Variants in LHFPL3 observed in about 807,000 individuals in gnomAD.
The protein encoded by LHFPL3 is LHFPL tetraspan subfamily member 3, also known as LHFPL tetraspan subfamily member 3 protein.
In LHFPL3, 5 loss-of-function variants were observed where a neutral mutation model predicts 19.3. The ratio of observed to expected loss-of-function variants is 0.26; its 90% CI spans 0.14 to 0.54. The LOEUF is 0.54. Ranked by LOEUF, LHFPL3 falls within the 20% of genes least tolerant of loss-of-function variation. The pLI is 0.94. For synonymous variants in LHFPL3, 133 were observed against 126.2 expected, an observed-to-expected ratio of 1.05 and a Z score of -0.36; for missense variants, 249 against 307.4, an observed-to-expected ratio of 0.81 and a Z score of 1.42.
intron 2 of LHFPL3, among the ~76,000 whole-genome samples, chr7:104,892,959 G>A (rs1016538422): frequency 2.8e-4 from 43 of 151,972 alleles, no homozygotes; most frequent in African/African-American, 9.2e-4. Context: ...GCTCATGCTT[G>A]TAATCCCACG....
chr7:104,430,422 A>G (rs1169041410), intron 1 of LHFPL3, among the ~76,000 whole-genome samples: 258 of 10,490 alleles, frequency 0.025, 2 homozygotes, highest in South Asian at 0.03. Context: ...ATATATACAT[A>G]TATATATATA....
At chr7:104,593,327 G>C (rs1251764863) in intron 1 of LHFPL3, among the ~76,000 whole-genome samples, 1 of 152,170 alleles carries the variant, frequency 6.6e-6, no homozygotes, top group African/African-American at 2.4e-5. Context: ...AGGTTGTTCA[G>C]TTTCGATGTA....
At position 104,561,366 on chromosome 7, in the gene LHFPL3, C is replaced by T. The variant is rs570080682; in HGVS notation, c.446-175309C>T. ...ACTTGCTTTATGAATCTTGGTGCTC[C>T]TGTATTGGGTGCATATATATTTAGG... On this transcript the variant is annotated intron_variant, in intron 1 of 2. Transcript: ENST00000424859. Among the ~76,000 whole-genome samples the T allele has an allele frequency of 4.0e-5, 6 of 150,148 alleles. No individual in the cohort carries two copies. In the South Asian group the frequency reaches 1.0e-3, roughly 26 times the overall value.
chr7:104,691,929 G>C (rs1792912978), intron 1 of LHFPL3, among the ~76,000 whole-genome samples: 1 of 152,224 alleles, frequency 6.6e-6, no homozygotes, highest in South Asian at 2.1e-4. Context: ...TGCTGATAGT[G>C]ATACAGACAA....
chr7:104,898,874 C>T (rs1425363371), intron 2 of LHFPL3, among the ~76,000 whole-genome samples: 2 of 151,954 alleles, frequency 1.3e-5, no homozygotes, highest in East Asian at 1.9e-4. Context: ...CTCAGCACTT[C>T]GGGAGGCTGA....
intron 2 of LHFPL3, among the ~76,000 whole-genome samples, chr7:104,803,774 G>A (rs966130875): frequency 1.4e-4 from 22 of 152,198 alleles, no homozygotes; most frequent in African/African-American, 5.1e-4. Flanking sequence ...TATATTTGCT[G>A]ATGAATGAAC....
intron 1 of LHFPL3, among the ~76,000 whole-genome samples, chr7:104,706,836 A>C (rs1793199247): frequency 6.6e-6 from 1 of 152,176 alleles, no homozygotes. Context: ...TGATGTTAAT[A>C]TTATCCCAGA....
intron 1 of LHFPL3, among the ~76,000 whole-genome samples, chr7:104,393,271 A>G (rs1321708349): frequency 1.3e-5 from 2 of 152,228 alleles, no homozygotes; most frequent in Non-Finnish European, 2.9e-5. Context: ...TTCTCCAACA[A>G]TGAAACATAA....
intron 1 of LHFPL3, among the ~76,000 whole-genome samples, chr7:104,713,346 T>G (rs181417473): frequency 6.6e-6 from 1 of 152,338 alleles, no homozygotes; most frequent in Admixed American, 6.5e-5. Context: ...TGAGGCTGGG[T>G]AATTTATAAA....
intron 1 of LHFPL3, among the ~76,000 whole-genome samples, chr7:104,594,510 G>A (rs1432285577): frequency 2.0e-5 from 3 of 152,104 alleles, no homozygotes; most frequent in Non-Finnish European, 1.5e-5. Context: ...TGACAATGAT[G>A]TGTCTTGAGG....
chr7:104,531,852 T>G (rs543394130), intron 1 of LHFPL3, among the ~76,000 whole-genome samples: 1 of 152,268 alleles, frequency 6.6e-6, no homozygotes, highest in East Asian at 1.9e-4. Flanking sequence ...GTCAAGGTGC[T>G]GGGGATCAGG....
chr7:104,804,271 G>A (rs556778742), intron 2 of LHFPL3, among the ~76,000 whole-genome samples: 3 of 152,192 alleles, frequency 2.0e-5, no homozygotes, highest in Non-Finnish European at 4.4e-5. Flanking sequence ...GACATCTGGG[G>A]CTGAGACTGC....
Position 104,670,042 on chromosome 7 carries a change from G to A in LHFPL3, c.446-66633G>A, listed in dbSNP as rs1584471681. 2.0e-5 allele frequency among the ~76,000 whole-genome samples: 3 copies of A among 152,226 alleles called. No individual in the cohort carries two copies. The East Asian group carries it at 5.8e-4, about 29-fold the overall frequency. On this transcript the variant is annotated intron_variant, in intron 1 of 2. Coordinates refer to ENST00000424859, the MANE Select transcript of LHFPL3 (RefSeq NM_199000.3). ...TGAATAAATTTTCCATTCTTGGAAA[G>A]GTAGATTTAGCCTCAAGTTGTTTTA...
At position 104,442,867 on chromosome 7, in the gene LHFPL3, G is replaced by A. The variant is rs139696139; in HGVS notation, c.445+113643G>A. On this transcript the variant is annotated intron_variant, in intron 1 of 2. Coordinates refer to ENST00000424859, the MANE Select transcript of LHFPL3 (RefSeq NM_199000.3). ...CTATACTCTAGAATGCCAAAGAATA[G>A]GCCTTCCTTAGTTTCGCACCTCACT... 1.1e-3 allele frequency among the ~76,000 whole-genome samples: 173 copies of A among 152,236 alleles called. 4 individuals are homozygous for A. In the East Asian group the frequency reaches 0.03, roughly 27 times the overall value.
At chr7:104,897,646 A>C (rs758484016) in intron 2 of LHFPL3, among the ~76,000 whole-genome samples, 1 of 152,230 alleles carries the variant, frequency 6.6e-6, no homozygotes, top group Non-Finnish European at 1.5e-5. Context: ...AGTATTTAGA[A>C]GAAAGGGGAA....
chr7:104,615,079 T>C (rs893263954), intron 1 of LHFPL3, among the ~76,000 whole-genome samples: 7 of 152,128 alleles, frequency 4.6e-5, no homozygotes, highest in Non-Finnish European at 1.0e-4. Context: ...TTACTTGATT[T>C]TTCCCCTTGA....
At chr7:104,561,605 C>A (rs568206526) in intron 1 of LHFPL3, among the ~76,000 whole-genome samples, 5 of 152,092 alleles carry the variant, frequency 3.3e-5, no homozygotes, top group Non-Finnish European at 7.3e-5. Context: ...TTCCTGAATA[C>A]AGCACACTGA....
At chr7:104,708,060 G>C (rs779800909) in intron 1 of LHFPL3, among the ~76,000 whole-genome samples, 2 of 152,184 alleles carry the variant, frequency 1.3e-5, no homozygotes, top group Non-Finnish European at 2.9e-5. Flanking sequence ...TTTTCCCCTT[G>C]AACTATTTTC....
At chr7:104,792,205 CTCAGGAAGCCG>C (rs938061146) in intron 2 of LHFPL3, among the ~76,000 whole-genome samples, 1 of 152,188 alleles carries the variant, frequency 6.6e-6, no homozygotes, top group Admixed American at 6.5e-5. Flanking sequence ...GATAGAGACA[CTCAGGAAGCCG>C]TCTTGGGAGG....
Sources: gnomAD v4.1 joint callset for allele counts (sites outside exome capture counted in the v4.1 genomes callset) on GRCh38, gnomAD v4.1.1 for gene constraint, MANE v1.5 for transcripts, NCBI Gene and HGNC (gene_info 2026-07-23, HGNC 2026-07-21) for gene names.